Variants in MACF1 observed in about 807,000 individuals in gnomAD.
The protein encoded by MACF1 is microtubule-actin cross-linking factor 1.
In MACF1, 193 loss-of-function variants were observed where a neutral mutation model predicts 854.8. The ratio of observed to expected loss-of-function variants is 0.23; its 90% CI spans 0.20 to 0.25. MACF1 has a LOEUF of 0.25. Ranked by LOEUF, MACF1 falls within the 10% of genes least tolerant of loss-of-function variation. MACF1 has a pLI of 1.00. For missense variants in MACF1, 7,722 were observed against 8,929.1 expected (o/e 0.86, Z 5.45); for synonymous variants, 3,185 against 3,226.7 (o/e 0.99, Z 0.44).
intron 89 of MACF1, among the ~76,000 whole-genome samples, chr1:39,456,104 G>A (rs747943133): frequency 6.6e-6 from 1 of 152,054 alleles, no homozygotes. Context: ...GAGGCCAAGG[G>A]GGGCAGATCA....
intron 6 of MACF1, chr1:39,269,216 C>T (rs961404317): frequency 7.8e-7 from 1 of 1,289,974 alleles, no homozygotes; most frequent in South Asian, 1.2e-5. Context: ...CATCCTGCAG[C>T]AGCAGGGCTG....
At chr1:39,163,340 C>CAAAAAAAAA (rs11371076) in intron 2 of MACF1, among the ~76,000 whole-genome samples, 2 of 80,334 alleles carry the variant, frequency 2.5e-5, no homozygotes, top group African/African-American at 5.6e-5. Flanking sequence ...AAGACTGTCT[C>CAAAAAAAAA]AAAAAAAAAA....
Position 39,357,879 on chromosome 1 carries a change from G to A in MACF1, c.11929G>A (p.Ala3977Thr), listed in dbSNP as rs751618596. 1 of 1,610,908 alleles carries A rather than the reference G, an allele frequency of 6.2e-7. No homozygotes were observed. The highest frequency in any genetic ancestry group is 8.5e-7 in the Non-Finnish European group (1 of 1,178,546). ...GAAGGATGCAACAGAAAGATACACTGCTCTCCACTCAAAGGTAAGGGGGCA... is the reference window on the plus strand; with the variant it reads ...GAAGGATGCAACAGAAAGATACACTACTCTCCACTCAAAGGTAAGGGGGCA... ...KLKDATERYT[A>T]LHSKCTRLGS... is the part of the protein sequence containing the mutation. The change falls in exon 45 of 101, where the codon GCT becomes ACT. Residue 3977 changes from alanine (A) to threonine (T), a missense_variant. Around this residue, in one of 15 missense-constraint regions of MACF1, gnomAD observed 2,807 missense variants for 3,235.8 expected, o/e 0.87. Coordinates refer to ENST00000564288, the MANE Select transcript of MACF1 (RefSeq NM_001394062.1).
At position 39,340,320 on chromosome 1, in the gene MACF1, T is replaced by C. The variant is rs185059275; in HGVS notation, c.10216-182T>C. ...TCTGTAAATCCAGAACAGTAACATC[T>C]ACCTTGCCTACTTCATGAATTAGTG... On this transcript the variant is annotated intron_variant, in intron 38 of 100. Coordinates refer to ENST00000564288, the MANE Select transcript of MACF1 (RefSeq NM_001394062.1). Among the ~76,000 whole-genome samples the C allele has an allele frequency of 1.3e-4, 20 of 152,316 alleles. No homozygotes were observed. In the East Asian group the frequency reaches 3.5e-3, roughly 26 times the overall value.
In MACF1 at chr1:39,096,273, A is replaced by C. The variant is rs1026005837; in HGVS notation, c.220+11835A>C. ...GAAAGGAGGGCAGGAGGGCAGAAAG[A>C]TTCTGTTTTCTAAGACTTGACTTGC... On this transcript the variant is annotated intron_variant, in intron 2 of 93. Coordinates refer to the MACF1 transcript ENST00000361689. 2.0e-5 allele frequency among the ~76,000 whole-genome samples: 3 copies of C among 151,772 alleles called. No homozygotes were observed. In the South Asian group the frequency reaches 6.2e-4, roughly 31 times the overall value.
At chr1:39,294,997 T>G in intron 18 of MACF1, 49 bp from the exon 19 acceptor site, 1 of 1,336,566 alleles carries the variant, frequency 7.5e-7, no homozygotes, top group South Asian at 1.2e-5. Context: ...TGCTATCCGC[T>G]CCCCACTGCC....
intron 2 of MACF1, among the ~76,000 whole-genome samples, chr1:39,085,595 A>C (rs1641651721): frequency 6.6e-6 from 1 of 152,150 alleles, no homozygotes; most frequent in Non-Finnish European, 1.5e-5. Flanking sequence ...TTTTTTTCTA[A>C]AATACAAACC....
intron 2 of MACF1, among the ~76,000 whole-genome samples, chr1:39,160,550 A>T (rs75014260): frequency 6.6e-6 from 1 of 152,240 alleles, no homozygotes; most frequent in Non-Finnish European, 1.5e-5. Flanking sequence ...TTTATAGCAT[A>T]AAACATACAA....
intron 2 of MACF1, among the ~76,000 whole-genome samples, chr1:39,177,416 C>T (rs1644044486): frequency 6.6e-6 from 1 of 152,170 alleles, no homozygotes; most frequent in Non-Finnish European, 1.5e-5. Flanking sequence ...GCCACCTTTC[C>T]CGGCCTAACT....
Position 39,258,020 on chromosome 1 carries a change from C to T in MACF1, c.520C>T (p.His174Tyr). 1 of 1,613,796 alleles carries T rather than the reference C, an allele frequency of 6.2e-7. No homozygotes were observed. Among genetic ancestry groups the T allele is most frequent in the Non-Finnish European group, 8.5e-7 (1 of 1,179,748 alleles). Reference sequence around the variant, plus strand: ...GGGTCTGATCTGGACCATTATTTTGCATTTCCAGGTAGGGCATGTGAAGTT... The same window carrying T: ...GGGTCTGATCTGGACCATTATTTTGTATTTCCAGGTAGGGCATGTGAAGTT... ...TLGLIWTIILHFQISDIYISG... is the reference protein window; with the variant it reads ...TLGLIWTIILYFQISDIYISG... The change falls in exon 6 of 101, where the codon CAT becomes TAT. Residue 174 changes from histidine to tyrosine, a missense_variant. Physicochemically the swap from His to Tyr is moderately conservative, Grantham distance 83. This residue lies in a region of MACF1 where 108 missense variants were observed against 196.4 expected (regional missense o/e 0.55). Transcript: ENST00000564288.
rs1641862466 is a variant in MACF1, at chr1:39,387,802, T to A, written c.14960T>A (p.Ile4987Asn). ...EDGIRDEKAG[I>N]NQNMDAVTEE... Reference sequence around the variant, plus strand: ...GGAATCCGGGATGAGAAGGCTGGGATCAACCAGAACATGGATGCTGTTACA... The same window carrying A: ...GGAATCCGGGATGAGAAGGCTGGGAACAACCAGAACATGGATGCTGTTACA... The change falls in exon 58 of 101, where the codon ATC (isoleucine) becomes AAC (asparagine). Residue 4987 changes from isoleucine (I) to asparagine (N), a missense_variant. By Grantham distance (149) the Ile-to-Asn change is moderately radical. Around this residue, in one of 15 missense-constraint regions of MACF1, gnomAD observed 2,807 missense variants for 3,235.8 expected, o/e 0.87. Coordinates refer to ENST00000564288, the MANE Select transcript of MACF1 (RefSeq NM_001394062.1). The A allele has an allele frequency of 1.2e-6, 2 of 1,613,958 alleles. No individual in the cohort carries two copies.
At position 39,436,508 on chromosome 1, in the gene MACF1, A is replaced by G. The variant is rs751068169; in HGVS notation, c.17988+747A>G. On this transcript the variant is annotated intron_variant, in intron 70 of 100. Coordinates refer to ENST00000564288, the MANE Select transcript of MACF1 (RefSeq NM_001394062.1). Reference sequence around the variant, plus strand: ...TTACAGAGGTAAGGTACCCATCCCCATTGGGACTAGGGTGTTCTTATAATG... The same window carrying G: ...TTACAGAGGTAAGGTACCCATCCCCGTTGGGACTAGGGTGTTCTTATAATG... The G allele has an allele frequency of 3.2e-5, 52 of 1,612,238 alleles. No homozygotes were observed. The highest frequency in any genetic ancestry group is 2.7e-5 in the African/African-American group (2 of 74,804).
chr1:39,365,063 G>A (rs1648571340), intron 49 of MACF1, among the ~76,000 whole-genome samples: 1 of 151,982 alleles, frequency 6.6e-6, no homozygotes. Flanking sequence ...AATCTGAAAT[G>A]CTCCAAAATC....
At chr1:39,343,335 T>C (rs1472339673) in intron 40 of MACF1, among the ~76,000 whole-genome samples, 2 of 152,224 alleles carry the variant, frequency 1.3e-5, no homozygotes, top group Non-Finnish European at 2.9e-5. Context: ...ACATAAAAGT[T>C]TGTCCATGAT....
At chr1:39,151,604 G>C (rs924389947) in intron 2 of MACF1, among the ~76,000 whole-genome samples, 1 of 152,136 alleles carries the variant, frequency 6.6e-6, no homozygotes, top group Non-Finnish European at 1.5e-5. Context: ...TCCTCTGTCT[G>C]AAACACCCTG....
At chr1:39,264,951 G>A (rs865920977) in intron 6 of MACF1, among the ~76,000 whole-genome samples, 2 of 152,168 alleles carry the variant, frequency 1.3e-5, no homozygotes, top group African/African-American at 2.4e-5. Flanking sequence ...TGGGATTACA[G>A]GCGTGAGCCA....
At chr1:39,132,540 CT>C (rs1643028247) in intron 2 of MACF1, among the ~76,000 whole-genome samples, 1 of 152,106 alleles carries the variant, frequency 6.6e-6, no homozygotes, top group African/African-American at 2.4e-5. Flanking sequence ...TGACTGAAGC[CT>C]AAGAGGAACT....
intron 2 of MACF1, among the ~76,000 whole-genome samples, chr1:39,186,214 C>CTCTCTGTG (rs1430618940): frequency 1.7e-5 from 1 of 57,906 alleles, no homozygotes; most frequent in African/African-American, 4.9e-5. Context: ...CTCTCTCTCT[C>CTCTCTGTG]TGTGTGTGTG....
At chr1:39,370,463 A>G (rs1476677798) in intron 51 of MACF1, among the ~76,000 whole-genome samples, 2 of 152,222 alleles carry the variant, frequency 1.3e-5, no homozygotes, top group Admixed American at 1.3e-4. Flanking sequence ...AACTAGTACT[A>G]CTTCAGCTAG....
Sources: allele counts gnomAD v4.1 joint callset (sites outside exome capture counted in the v4.1 genomes callset), GRCh38; gene constraint gnomAD v4.1.1; regional missense constraint gnomAD v4.1.1; transcripts MANE v1.5; gene names NCBI Gene and HGNC (gene_info 2026-07-23, HGNC 2026-07-21).